ENTPD5: variants seen among roughly 807,000 people sequenced by gnomAD.
ENTPD5 encodes nucleoside diphosphate phosphatase ENTPD5.
A neutral mutation model predicts 60.2 loss-of-function variants in ENTPD5; 49 were observed. The ratio of observed to expected loss-of-function variants is 0.81; its 90% CI spans 0.65 to 1.03. The LOEUF is 1.03. Ranked by LOEUF, ENTPD5 falls within the 50% of genes least tolerant of loss-of-function variation. The probability of loss-of-function intolerance (pLI) is 0.00; values close to 1 mark genes in which losing one functional copy is unlikely to be tolerated. For synonymous variants in ENTPD5, 187 were observed against 185.4 expected (o/e 1.01, Z -0.07); for missense variants, 480 against 507.6 (o/e 0.95, Z 0.52).
intron 3 of ENTPD5, chr14:74,007,918 C>A (rs935753120): frequency 6.6e-6 from 1 of 150,716 alleles, no homozygotes; most frequent in East Asian, 2.0e-4. Context: ...GCAACCTGCA[C>A]CTCCCAGGTT....
rs570954615 is a variant in ENTPD5, at chr14:73,985,996, C to T, written c.297+818G>A. On this transcript the variant is annotated intron_variant, in intron 5 of 15. Coordinates refer to ENST00000334696, the MANE Select transcript of ENTPD5 (RefSeq NM_001249.5). ...CTGAGGCAGAAGAATTGCTTGAACCCGCGAGGCAGAGGTTGTAGTAAGCCG... is the reference window on the plus strand; with the variant it reads ...CTGAGGCAGAAGAATTGCTTGAACCTGCGAGGCAGAGGTTGTAGTAAGCCG... 4.6e-5 allele frequency among the ~76,000 whole-genome samples: 7 copies of T among 150,590 alleles called. No individual in the cohort carries two copies. The East Asian group carries it at 5.9e-4, about 13-fold the overall frequency.
downstream of ENTPD5, chr14:73,960,113 A>G: frequency 1.0e-6 from 1 of 995,116 alleles, no homozygotes; most frequent in Non-Finnish European, 1.2e-6. Context: ...TATTTTGAAC[A>G]GTTCTGCTAG....
At chr14:73,982,367 G>A (rs7140260) in intron 6 of ENTPD5, among the ~76,000 whole-genome samples, 45 of 152,226 alleles carry the variant, frequency 3.0e-4, no homozygotes, top group African/African-American at 1.1e-3. Flanking sequence ...GAGCCACCGT[G>A]CCCAGCCTAA....
At position 74,017,731 on chromosome 14, in the gene ENTPD5, C is replaced by G. The variant is rs1243790085; in HGVS notation, c.-238+1519G>C. Among the ~76,000 whole-genome samples, 5 of 148,988 alleles carry G rather than the reference C, an allele frequency of 3.4e-5. No homozygotes were observed. In the Admixed American group the frequency reaches 3.4e-4, roughly 10 times the overall value. On this transcript the variant is annotated intron_variant, in intron 1 of 15. Coordinates refer to ENST00000334696, the MANE Select transcript of ENTPD5 (RefSeq NM_001249.5). ...TGAAACTCTGTCTCTACCAAAAATA[C>G]AAAAATTAGCCTGGCATGGTGGCAC...
At chr14:73,993,925 C>CAA (rs922984024) in intron 3 of ENTPD5, among the ~76,000 whole-genome samples, 3 of 87,188 alleles carry the variant, frequency 3.4e-5, no homozygotes, top group African/African-American at 1.1e-4. Context: ...AAAAAACAAA[C>CAA]AAAAAAAAAC....
At chr14:74,015,080 CAA>C (rs57058415) in intron 2 of ENTPD5, among the ~76,000 whole-genome samples, 11,163 of 125,706 alleles carry the variant, frequency 0.089, 552 homozygotes, top group South Asian at 0.28. Flanking sequence ...GACTACCTCT[CAA>C]AAAAAAAAAA....
chr14:74,008,340 G>A (rs76204336), intron 3 of ENTPD5, among the ~76,000 whole-genome samples: 2,481 of 151,878 alleles, frequency 0.016, 59 homozygotes, highest in African/African-American at 0.056. Context: ...CTGATCAGAC[G>A]GCTTGTCAAA....
Position 73,976,444 on chromosome 14 carries a change from C to T in ENTPD5, c.554-32G>A, listed in dbSNP as rs56856120. On this transcript the variant is annotated intron_variant, in intron 8 of 15. Transcript: ENST00000334696. Reference sequence around the variant, plus strand: ...AATGAGAGCCAGCTCTAAATAGCCTCGACATCCTGGGCAGCCCAACACTTG... The same window carrying T: ...AATGAGAGCCAGCTCTAAATAGCCTTGACATCCTGGGCAGCCCAACACTTG... The T allele has an allele frequency of 4.0e-4, 627 of 1,575,548 alleles. 2 individuals are homozygous for T. In the African/African-American group the frequency reaches 6.9e-3, roughly 17 times the overall value.
chr14:74,018,404 T>C (rs999138349), intron 1 of ENTPD5: 1 of 152,164 alleles, frequency 6.6e-6, no homozygotes, highest in South Asian at 2.1e-4. Context: ...TAATTTGAAA[T>C]GGAGTATAAC....
At chr14:73,988,289 A>C (rs1008506934) in intron 3 of ENTPD5, 117 bp from the exon 4 acceptor site, 8 of 950,560 alleles carry the variant, frequency 8.4e-6, no homozygotes, top group Non-Finnish European at 8.9e-6. Context: ...TAACCTGTAC[A>C]ACAAGCTAAA....
chr14:73,973,982 A>AT lies in ENTPD5; in HGVS notation c.785-5_785-4insA, dbSNP rs773293040. ...CGGAAAGTGTGCCCATCAGTCCCTG[A>AT]AAGAATCCAGGGCACAAGGTAAGAG... On this transcript the variant is annotated splice_polypyrimidine_tract_variant and splice_region_variant and intron_variant, in intron 11 of 15. Transcript: ENST00000334696. 6.2e-7 allele frequency: 1 copy of AT among 1,613,284 alleles called. No individual in the cohort carries two copies. Among genetic ancestry groups the AT allele is most frequent in the African/African-American group, 1.3e-5 (1 of 74,924 alleles).
rs2056894531 is a variant in ENTPD5, at chr14:73,964,555, G to C, written c.*2373C>G. ...TGTGTTTTACAAAATGGCCCCCACA[G>C]TGATTAAAGACCAGAGACTTATATC... is the stretch of plus-strand genomic sequence containing the variant. On this transcript the variant is annotated 3_prime_UTR_variant, in exon 16 of 16. Coordinates refer to ENST00000334696, the MANE Select transcript of ENTPD5 (RefSeq NM_001249.5). 6.6e-6 allele frequency: 1 copy of C among 152,176 alleles called. No individual in the cohort carries two copies. The highest frequency in any genetic ancestry group is 1.9e-4 in the East Asian group (1 of 5,194). 9.4% of individuals were successfully genotyped at this position (152,176 alleles called of 1,614,324 possible). A position where few individuals can be genotyped will look rare whatever the true frequency, so the allele number is the denominator to read the frequency against.
intron 11 of ENTPD5, 36 bp downstream of exon 11, chr14:73,974,888 T>C: frequency 6.4e-7 from 1 of 1,565,256 alleles, no homozygotes; most frequent in Non-Finnish European, 8.8e-7. Context: ...TGTGTCACCC[T>C]CACCATCCCC....
chr14:73,976,209 C>T lies in ENTPD5; in HGVS notation c.642+115G>A, dbSNP rs1010790142. ...GAACATTCACCTAGTTATTAATTGA[C>T]TTGACTCTGCCTAAGCGTGGTAGAG... On this transcript the variant is annotated intron_variant, in intron 9 of 15. Transcript: ENST00000334696. 1.3e-5 allele frequency: 12 copies of T among 941,990 alleles called. No homozygotes were observed. In the African/African-American group the frequency reaches 1.8e-4, roughly 14 times the overall value. The allele number at this position is 941,990 out of a possible 1,614,324, so 58.4% of individuals were successfully genotyped here. A position where few individuals can be genotyped will look rare whatever the true frequency, so the allele number is the denominator to read the frequency against.
At chr14:74,018,293 A>G (rs1199142937) in intron 1 of ENTPD5, among the ~76,000 whole-genome samples, 1 of 152,092 alleles carries the variant, frequency 6.6e-6, no homozygotes, top group Non-Finnish European at 1.5e-5. Context: ...GGCGGAGGGG[A>G]GTAATTAGAG....
At chr14:74,018,650 G>T (rs1259440550) in intron 1 of ENTPD5, 1 of 152,118 alleles carries the variant, frequency 6.6e-6, no homozygotes, top group Non-Finnish European at 1.5e-5. Context: ...ATGGAAATCC[G>T]GGGGGCGGTC....
intron 2 of ENTPD5, 130 bp downstream of exon 2, chr14:74,015,694 A>G (rs1337607664): frequency 2.6e-5 from 4 of 152,160 alleles, no homozygotes; most frequent in African/African-American, 9.7e-5. Flanking sequence ...TCTAAATTTT[A>G]TATATGGCTT....
chr14:73,997,790 C>T (rs1239508984), intron 3 of ENTPD5, among the ~76,000 whole-genome samples: 2 of 152,072 alleles, frequency 1.3e-5, no homozygotes, highest in Non-Finnish European at 2.9e-5. Context: ...TTTTGTATTA[C>T]CAAAGACAGG....
rs2056883590 is a variant in ENTPD5, at chr14:73,964,284, A to G, written c.*2644T>C. 1 of 152,228 alleles carries G rather than the reference A, an allele frequency of 6.6e-6. No individual in the cohort carries two copies. Among genetic ancestry groups the G allele is most frequent in the African/African-American group, 2.4e-5 (1 of 41,464 alleles). 9.4% of individuals were successfully genotyped at this position (152,228 alleles called of 1,614,324 possible). A position where few individuals can be genotyped will look rare whatever the true frequency, so the allele number is the denominator to read the frequency against. ...GTATTTTAAATATGTTAACACATCT[A>G]CAAAGAGGAAACTATTAGAATCTGT... On this transcript the variant is annotated 3_prime_UTR_variant, in exon 16 of 16. Transcript: ENST00000334696.
Sources: allele counts gnomAD v4.1 joint callset (sites outside exome capture counted in the v4.1 genomes callset), GRCh38; gene constraint gnomAD v4.1.1; transcripts MANE v1.5; gene names NCBI Gene and HGNC (gene_info 2026-07-23, HGNC 2026-07-21).